Variants in LRP1B observed in about 807,000 individuals in gnomAD.
LRP1B encodes low-density lipoprotein receptor-related protein 1B.
In LRP1B, 217 loss-of-function variants were observed where a neutral mutation model predicts 556.6. The observed-to-expected ratio is 0.39, with a 90% CI of 0.35 to 0.44. The LOEUF is 0.44. Among genes scored for constraint, LRP1B ranks in the 20% least tolerant of loss-of-function variants. The probability of loss-of-function intolerance (pLI) is 1.00; values close to 1 mark genes in which losing one functional copy is unlikely to be tolerated. For missense variants in LRP1B, 5,053 were observed against 5,620.8 expected (o/e 0.90, Z 3.23); for synonymous variants, 2,047 against 1,865.8 (o/e 1.10, Z -2.50).
intron 35 of LRP1B, among the ~76,000 whole-genome samples, chr2:140,758,905 A>T (rs1457809625): frequency 2.6e-5 from 4 of 152,118 alleles, no homozygotes; most frequent in African/African-American, 9.6e-5. Context: ...AATAAAAATT[A>T]TGAATCCTCT....
chr2:142,065,131 C>T (rs77900227), intron 1 of LRP1B, among the ~76,000 whole-genome samples: 6,606 of 151,476 alleles, frequency 0.044, 232 homozygotes, highest in Non-Finnish European at 0.058. Context: ...TATAACTATC[C>T]CTTTAAGCCG....
chr2:141,361,344 A>G (rs1573856601), intron 3 of LRP1B, among the ~76,000 whole-genome samples: 1 of 152,062 alleles, frequency 6.6e-6, no homozygotes, highest in Non-Finnish European at 1.5e-5. Flanking sequence ...ACTGATATCC[A>G]TTTCTACTCT....
intron 2 of LRP1B, among the ~76,000 whole-genome samples, chr2:141,765,874 G>A (rs1440423027): frequency 1.3e-5 from 2 of 151,996 alleles, no homozygotes; most frequent in African/African-American, 2.4e-5. Context: ...CTCTGACTTC[G>A]AAACTCAAAA....
At chr2:140,815,579 C>T (rs1250828697) in intron 31 of LRP1B, among the ~76,000 whole-genome samples, 1 of 152,046 alleles carries the variant, frequency 6.6e-6, no homozygotes, top group Non-Finnish European at 1.5e-5. Flanking sequence ...TAGTGACTGG[C>T]CACAGGGCTA....
intron 1 of LRP1B, among the ~76,000 whole-genome samples, chr2:142,009,368 C>T (rs529937554): frequency 6.6e-6 from 1 of 152,210 alleles, no homozygotes; most frequent in East Asian, 1.9e-4. Context: ...TTTTCACCCT[C>T]TCCTCATGTT....
intron 2 of LRP1B, among the ~76,000 whole-genome samples, chr2:141,691,465 A>AACAC (rs10522926): frequency 3.3e-4 from 44 of 133,242 alleles, no homozygotes; most frequent in African/African-American, 8.6e-4. Flanking sequence ...GTAATCAGCC[A>AACAC]ACACACACAC....
chr2:141,649,106 T>A (rs2105376148), intron 2 of LRP1B, among the ~76,000 whole-genome samples: 1 of 152,326 alleles, frequency 6.6e-6, no homozygotes, highest in South Asian at 2.1e-4. Flanking sequence ...TGTGTTCAGC[T>A]GGGACACATT....
At chr2:140,959,590 A>G (rs1040799410) in intron 18 of LRP1B, among the ~76,000 whole-genome samples, 1 of 151,728 alleles carries the variant, frequency 6.6e-6, no homozygotes. Context: ...TAACTTAGAA[A>G]TGCCAAATAA....
At chr2:140,265,863 T>A (rs930489042) in intron 86 of LRP1B, among the ~76,000 whole-genome samples, 3 of 152,040 alleles carry the variant, frequency 2.0e-5, no homozygotes, top group Non-Finnish European at 4.4e-5. Flanking sequence ...TGGACTTTTT[T>A]ATTGTCCAGG....
Position 140,239,430 on chromosome 2 carries a change from A to G in LRP1B, c.13415+12T>C. On this transcript the variant is annotated intron_variant, in intron 88 of 90. Transcript: ENST00000389484. Reference sequence around the variant, plus strand: ...TATTCACTGACTGCTAATCTAGAACATTGCATCTTACCTTCTTTTTCTTTT... The same window carrying G: ...TATTCACTGACTGCTAATCTAGAACGTTGCATCTTACCTTCTTTTTCTTTT... 3.2e-6 allele frequency: 5 copies of G among 1,543,788 alleles called. No individual in the cohort carries two copies. Among genetic ancestry groups the G allele is most frequent in the Non-Finnish European group, 4.4e-6 (5 of 1,125,304 alleles).
At chr2:140,411,621 G>A (rs974355364) in intron 66 of LRP1B, among the ~76,000 whole-genome samples, 1 of 151,948 alleles carries the variant, frequency 6.6e-6, no homozygotes, top group African/African-American at 2.4e-5. Context: ...CCGCAATTAG[G>A]CAAAGGATTT....
In LRP1B at chr2:140,660,873, T is replaced by G. The variant is rs1456527038; in HGVS notation, c.6799+39377A>C. Among the ~76,000 whole-genome samples, 11 of 53,704 alleles carry G rather than the reference T, an allele frequency of 2.0e-4. No homozygotes were observed. The East Asian group carries it at 4.2e-3, about 21-fold the overall frequency. The allele number at this position is 53,704 out of a possible 152,430, so 35.2% of individuals were successfully genotyped here. The stretch of plus-strand genomic sequence containing the variant: ...TTAGGTTCTTCCTGTCTTTTTGTGT[T>G]TTTTTTTTTTTTAAACTCTCATTTT... On this transcript the variant is annotated intron_variant, in intron 41 of 90. Transcript: ENST00000389484.
chr2:140,903,048 T>G lies in LRP1B; in HGVS notation c.3638A>C (p.Glu1213Ala), dbSNP rs1337558685. The stretch of plus-strand genomic sequence containing the variant: ...ATGATTGCTACAATAATCCACAATT[T>G]CACATGTTTTATTGTCTTTGTTGAG... ...LQLNKDNKTCEIVDYCSNHLK... is the reference protein window; with the variant it reads ...LQLNKDNKTCAIVDYCSNHLK... The change falls in exon 23 of 91, where the codon GAA (glutamate) becomes GCA (alanine). Residue 1213 changes from glutamate to alanine, a missense_variant. Around this residue, in one of 5 missense-constraint regions of LRP1B, gnomAD observed 3,619 missense variants for 3,931.9 expected, o/e 0.92. Transcript: ENST00000389484. The G allele has an allele frequency of 2.5e-6, 4 of 1,613,706 alleles. No homozygotes were observed. Among genetic ancestry groups the G allele is most frequent in the Non-Finnish European group, 3.4e-6 (4 of 1,179,764 alleles).
intron 2 of LRP1B, among the ~76,000 whole-genome samples, chr2:141,701,445 CA>C (rs1251918167): frequency 5.3e-5 from 8 of 151,830 alleles, no homozygotes; most frequent in African/African-American, 1.7e-4. Context: ...GAAATCATTC[CA>C]GATTCACAGA....
chr2:140,742,499 C>G (rs1407699679), intron 35 of LRP1B, among the ~76,000 whole-genome samples: 3 of 152,124 alleles, frequency 2.0e-5, no homozygotes, highest in African/African-American at 7.2e-5. Flanking sequence ...TTCAATAAAA[C>G]AGACGACGAG....
At chr2:141,108,065 T>C (rs1488514847) in intron 7 of LRP1B, among the ~76,000 whole-genome samples, 1 of 152,100 alleles carries the variant, frequency 6.6e-6, no homozygotes, top group Non-Finnish European at 1.5e-5. Flanking sequence ...GCACTGGATT[T>C]TACTGACTAT....
chr2:141,307,841 C>T (rs1558994943), intron 3 of LRP1B, among the ~76,000 whole-genome samples: 3 of 152,088 alleles, frequency 2.0e-5, no homozygotes. Flanking sequence ...CAGCAGTGGG[C>T]CAAGTGTGTG....
At chr2:140,263,385 C>A (rs1682036952) in intron 86 of LRP1B, among the ~76,000 whole-genome samples, 1 of 152,130 alleles carries the variant, frequency 6.6e-6, no homozygotes, top group Admixed American at 6.6e-5. Flanking sequence ...GAGCCACACC[C>A]ATAATCCTTT....
At chr2:140,476,854 A>C (rs1045863086) in intron 59 of LRP1B, among the ~76,000 whole-genome samples, 2 of 152,060 alleles carry the variant, frequency 1.3e-5, no homozygotes, top group African/African-American at 4.8e-5. Flanking sequence ...AATTTCACAT[A>C]GGGCAATACC....
Sources: allele counts gnomAD v4.1 joint callset (sites outside exome capture counted in the v4.1 genomes callset), GRCh38; gene constraint gnomAD v4.1.1; regional missense constraint gnomAD v4.1.1; transcripts MANE v1.5; gene names NCBI Gene and HGNC (gene_info 2026-07-23, HGNC 2026-07-21).